Variants in SPHKAP observed in about 807,000 individuals in gnomAD.
The protein encoded by SPHKAP is SPHK1 interactor, AKAP domain containing, also known as A-kinase anchor protein SPHKAP.
SPHKAP carries 67 observed loss-of-function variants against 137.5 expected under a neutral mutation model. The observed-to-expected ratio is 0.49, with a 90% confidence interval of 0.40 to 0.60. The LOEUF (loss-of-function observed/expected upper bound fraction) is 0.60. Ranked by LOEUF, SPHKAP falls within the 20% of genes least tolerant of loss-of-function variation. SPHKAP has a pLI of 0.00. For missense variants in SPHKAP, 2,097 were observed against 2,069.3 expected (o/e 1.01, Z -0.26); for synonymous variants, 813 against 785.3 (o/e 1.04, Z -0.59).
chr2:227,991,109 G>T lies in SPHKAP; in HGVS notation c.4850C>A (p.Pro1617Gln), dbSNP rs370914545. The change falls in exon 11 of 12, where the codon CCA becomes CAA. Residue 1617 changes from proline (P) to glutamine (Q), a missense_variant. By Grantham distance (76) the Pro-to-Gln change is moderately conservative. Transcript: ENST00000392056. Reference sequence around the variant, plus strand: ...TCGGAGCTCGGCATCTGGACACTCTGGCTCCAGGTCAAAGTTGATCACCAG... The same window carrying T: ...TCGGAGCTCGGCATCTGGACACTCTTGCTCCAGGTCAAAGTTGATCACCAG... ...SLLVINFDLE[P>Q]ECPDAELRAT... is the part of the protein sequence containing the mutation. The T allele has an allele frequency of 9.7e-5, 156 of 1,613,972 alleles. No individual in the cohort carries two copies. The highest frequency in any genetic ancestry group is 1.2e-4 in the Non-Finnish European group (147 of 1,180,020).
intron 11 of SPHKAP, among the ~76,000 whole-genome samples, chr2:227,987,942 G>A (rs1457520168): frequency 6.6e-6 from 1 of 152,134 alleles, no homozygotes; most frequent in Non-Finnish European, 1.5e-5. Flanking sequence ...TAGTGACAGT[G>A]GGAAGATGAC....
At chr2:228,150,040 A>G (rs1699885375) in intron 1 of SPHKAP, among the ~76,000 whole-genome samples, 1 of 152,190 alleles carries the variant, frequency 6.6e-6, no homozygotes, top group Admixed American at 6.5e-5. Context: ...GTTTCTGTAG[A>G]TACTGTTTAT....
intron 7 of SPHKAP, among the ~76,000 whole-genome samples, chr2:228,004,066 C>T (rs1170556909): frequency 1.3e-5 from 2 of 152,206 alleles, no homozygotes; most frequent in Admixed American, 6.5e-5. Flanking sequence ...CAGGATGATG[C>T]TGGCCTCATA....
At chr2:228,143,470 C>T (rs1032380269) in intron 1 of SPHKAP, among the ~76,000 whole-genome samples, 6 of 151,644 alleles carry the variant, frequency 4.0e-5, no homozygotes, top group African/African-American at 1.5e-4. Context: ...TCATTTCTTT[C>T]TTTTAAATTT....
chr2:228,014,972 A>C (rs540547948), intron 7 of SPHKAP, among the ~76,000 whole-genome samples: 67 of 152,126 alleles, frequency 4.4e-4, no homozygotes, highest in Non-Finnish European at 2.1e-4. Context: ...CACAAAGTGC[A>C]GGTTAGTTAC....
intron 7 of SPHKAP, among the ~76,000 whole-genome samples, chr2:228,002,835 C>A (rs535320348): frequency 1.2e-4 from 18 of 152,138 alleles, no homozygotes; most frequent in Non-Finnish European, 2.2e-4. Context: ...ATCCTTTCCC[C>A]ATTTCTTGTT....
chr2:228,171,859 A>G (rs149740857), intron 1 of SPHKAP, among the ~76,000 whole-genome samples: 153 of 152,164 alleles, frequency 1.0e-3, no homozygotes, highest in African/African-American at 3.5e-3. Context: ...GAATCTTCTT[A>G]CTCCTATTGA....
At chr2:228,077,333 T>C (rs949273163) in intron 3 of SPHKAP, among the ~76,000 whole-genome samples, 1 of 152,134 alleles carries the variant, frequency 6.6e-6, no homozygotes, top group African/African-American at 2.4e-5. Flanking sequence ...CAGCTTGCAC[T>C]GTGCACCTGG....
intron 1 of SPHKAP, among the ~76,000 whole-genome samples, chr2:228,180,249 GA>G (rs1487171665): frequency 6.6e-6 from 1 of 152,088 alleles, no homozygotes; most frequent in African/African-American, 2.4e-5. Flanking sequence ...TCCCCGCAGC[GA>G]AGGGACGCTT....
intron 3 of SPHKAP, among the ~76,000 whole-genome samples, chr2:228,102,350 A>C (rs189773430): frequency 6.6e-6 from 1 of 152,244 alleles, no homozygotes; most frequent in Non-Finnish European, 1.5e-5. Context: ...ATGATACTTA[A>C]ATAGTCATAG....
chr2:227,987,787 C>T (rs559857212), intron 11 of SPHKAP, among the ~76,000 whole-genome samples: 79 of 152,162 alleles, frequency 5.2e-4, no homozygotes, highest in Non-Finnish European at 1.1e-3. Context: ...TTCCCTAGCA[C>T]ATACCTCCCT....
At chr2:227,997,815 G>A (rs1693691854) in intron 7 of SPHKAP, among the ~76,000 whole-genome samples, 1 of 152,140 alleles carries the variant, frequency 6.6e-6, no homozygotes, top group East Asian at 1.9e-4. Flanking sequence ...TATTAAGAGT[G>A]TTTGCACTTG....
chr2:228,017,349 G>C lies in SPHKAP; in HGVS notation c.3505C>G (p.Arg1169Gly), dbSNP rs751157752. The C allele has an allele frequency of 2.5e-6, 4 of 1,613,588 alleles. No homozygotes were observed. Among genetic ancestry groups the C allele is most frequent in the Non-Finnish European group, 3.4e-6 (4 of 1,179,854 alleles). The change falls in exon 7 of 12, where the codon CGG becomes GGG. Residue 1169 changes from arginine to glycine, a missense_variant. Arg to Gly is a moderately radical substitution (Grantham distance 125). Coordinates refer to ENST00000392056, the MANE Select transcript of SPHKAP (RefSeq NM_001142644.2). Reference protein sequence around the residue: ...ILNSAMQQACRKSDHLSVRPS... With the variant: ...ILNSAMQQACGKSDHLSVRPS... The stretch of plus-strand genomic sequence containing the variant: ...CTCACACTGAGGTGGTCACTTTTCC[G>C]GCACGCCTGTTGCATGGCTGAGTTC...
At chr2:228,043,432 T>C (rs935056083) in intron 3 of SPHKAP, among the ~76,000 whole-genome samples, 7 of 152,202 alleles carry the variant, frequency 4.6e-5, no homozygotes, top group African/African-American at 1.7e-4. Context: ...GTTCAAGCAA[T>C]TCTCATGCCT....
chr2:228,162,784 C>T (rs536148796), intron 1 of SPHKAP, among the ~76,000 whole-genome samples: 108 of 152,206 alleles, frequency 7.1e-4, no homozygotes, highest in Middle Eastern at 3.4e-3. Flanking sequence ...CAGCCACCTC[C>T]GCCTCCCGGG....
At chr2:228,038,840 T>G (rs1412897203) in intron 3 of SPHKAP, among the ~76,000 whole-genome samples, 1 of 152,172 alleles carries the variant, frequency 6.6e-6, no homozygotes, top group Non-Finnish European at 1.5e-5. Context: ...TTTCCCTTAT[T>G]TATAGAATGA....
intron 3 of SPHKAP, among the ~76,000 whole-genome samples, chr2:228,099,813 T>A (rs949759448): frequency 1.3e-5 from 2 of 151,908 alleles, no homozygotes; most frequent in Admixed American, 1.3e-4. Context: ...GGCTCTCATC[T>A]TGAGTATTAT....
rs75794650 is a variant in SPHKAP, at chr2:227,985,539, A to T, written c.4960-3679T>A. ...ATCAGCTTTAGCAAGTCACGATCTG[A>T]GTTTTTCTTTCCGCTGCATTGAAAA... On this transcript the variant is annotated intron_variant, in intron 11 of 11. Coordinates refer to ENST00000392056, the MANE Select transcript of SPHKAP (RefSeq NM_001142644.2). 3.1e-3 allele frequency among the ~76,000 whole-genome samples: 472 copies of T among 152,200 alleles called. 1 individual carries two copies. Among genetic ancestry groups the T allele is most frequent in the Non-Finnish European group, 5.6e-3 (383 of 68,010 alleles).
chr2:228,053,505 G>T (rs1696333302), intron 3 of SPHKAP, among the ~76,000 whole-genome samples: 1 of 152,100 alleles, frequency 6.6e-6, no homozygotes, highest in Non-Finnish European at 1.5e-5. Context: ...GGATCTTGGT[G>T]GTACACAGGG....
Sources: allele counts gnomAD v4.1 joint callset (sites outside exome capture counted in the v4.1 genomes callset), GRCh38; gene constraint gnomAD v4.1.1; transcripts MANE v1.5; gene names NCBI Gene and HGNC (gene_info 2026-07-23, HGNC 2026-07-21).